Variants in UBASH3B observed in about 807,000 individuals in gnomAD.
UBASH3B encodes ubiquitin-associated and SH3 domain-containing protein B.
A neutral mutation model predicts 83.4 loss-of-function variants in UBASH3B; 37 were observed. The observed-to-expected ratio is 0.44, with a 90% confidence interval of 0.34 to 0.58. The LOEUF (loss-of-function observed/expected upper bound fraction) is 0.58. UBASH3B is among the 20% of genes least tolerant of loss of function. UBASH3B has a pLI of 0.01. For synonymous variants in UBASH3B, 304 were observed against 318.3 expected (o/e 0.96, Z 0.48); for missense variants, 657 against 827.2 (o/e 0.79, Z 2.52).
Position 122,706,147 on chromosome 11 carries a change from G to A in UBASH3B, c.161+49937G>A, listed in dbSNP as rs551595572. Reference sequence around the variant, plus strand: ...TTTTTTTTTTTTGAGATGGAGTTTCGCTCTTGTTGCCCAGACTAGAGTGCA... The same window carrying A: ...TTTTTTTTTTTTGAGATGGAGTTTCACTCTTGTTGCCCAGACTAGAGTGCA... On this transcript the variant is annotated intron_variant, in intron 1 of 13. Transcript: ENST00000284273. Among the ~76,000 whole-genome samples, 258 of 115,040 alleles carry A rather than the reference G, an allele frequency of 2.2e-3. 2 individuals carry two copies. Among genetic ancestry groups the A allele is most frequent in the African/African-American group, 8.1e-3 (235 of 28,894 alleles). The allele number at this position is 115,040 out of a possible 152,430, so 75.5% of individuals were successfully genotyped here.
At chr11:122,799,436 A>C (rs1311049047) in intron 10 of UBASH3B, among the ~76,000 whole-genome samples, 3 of 151,880 alleles carry the variant, frequency 2.0e-5, no homozygotes, top group Non-Finnish European at 4.4e-5. Context: ...GTGGTGAGCC[A>C]AGATTGCGCC....
chr11:122,802,970 A>G (rs995231810), intron 11 of UBASH3B, among the ~76,000 whole-genome samples: 3 of 152,070 alleles, frequency 2.0e-5, no homozygotes, highest in Admixed American at 6.6e-5. Flanking sequence ...GTGTTTTGCC[A>G]TTGCCTCCCA....
At chr11:122,690,724 G>A (rs994094255) in intron 1 of UBASH3B, among the ~76,000 whole-genome samples, 4 of 152,252 alleles carry the variant, frequency 2.6e-5, no homozygotes, top group East Asian at 1.9e-4. Context: ...CAAAACTCAC[G>A]CTTGTTGCCT....
chr11:122,705,454 T>TAAAAAAAAA (rs60998227), intron 1 of UBASH3B, among the ~76,000 whole-genome samples: 13 of 59,356 alleles, frequency 2.2e-4, no homozygotes, highest in East Asian at 3.6e-4. Context: ...TCGAAAAACA[T>TAAAAAAAAA]AAAAAAAAAA....
intron 1 of UBASH3B, among the ~76,000 whole-genome samples, chr11:122,734,848 C>G (rs1860907120): frequency 6.6e-6 from 1 of 151,656 alleles, no homozygotes. Flanking sequence ...AGAAATGATC[C>G]TGCATCTGTG....
chr11:122,803,380 T>A (rs920913268), intron 11 of UBASH3B, among the ~76,000 whole-genome samples: 2 of 151,776 alleles, frequency 1.3e-5, no homozygotes, highest in African/African-American at 4.8e-5. Flanking sequence ...AGAGCCGGGG[T>A]AGTGTGAATC....
chr11:122,705,325 A>G (rs1001209931), intron 1 of UBASH3B, among the ~76,000 whole-genome samples: 2 of 152,048 alleles, frequency 1.3e-5, no homozygotes, highest in African/African-American at 4.8e-5. Flanking sequence ...ATGTGCCTGT[A>G]ATCCCAGCTA....
intron 11 of UBASH3B, among the ~76,000 whole-genome samples, chr11:122,802,474 C>A (rs771152440): frequency 5.9e-5 from 9 of 152,084 alleles, no homozygotes; most frequent in Non-Finnish European, 1.2e-4. Context: ...GAGTTTGTAA[C>A]AAGTGGTCAA....
chr11:122,761,576 C>A (rs946233549), intron 1 of UBASH3B, among the ~76,000 whole-genome samples: 1 of 152,110 alleles, frequency 6.6e-6, no homozygotes, highest in African/African-American at 2.4e-5. Flanking sequence ...TCTGACCCAC[C>A]AAAGCCGTTA....
At chr11:122,667,192 C>T (rs566648970) in intron 1 of UBASH3B, among the ~76,000 whole-genome samples, 19 of 151,786 alleles carry the variant, frequency 1.3e-4, no homozygotes, top group Admixed American at 7.9e-4. Flanking sequence ...TACAGGCACG[C>T]ACCACCACCA....
chr11:122,723,225 C>T (rs763088317), intron 1 of UBASH3B, among the ~76,000 whole-genome samples: 15 of 152,212 alleles, frequency 9.9e-5, no homozygotes, highest in Non-Finnish European at 2.1e-4. Context: ...GGCTTGGAAA[C>T]CACTGTTCAG....
In UBASH3B at chr11:122,794,755, G is replaced by C. The variant is rs201331033; in HGVS notation, c.1034G>C (p.Gly345Ala). The C allele has an allele frequency of 6.2e-7, 1 of 1,613,980 alleles. No homozygotes were observed. Among genetic ancestry groups the C allele is most frequent in the Non-Finnish European group, 8.5e-7 (1 of 1,180,028 alleles). ...SSSNSLTFGD[G>A]VLERRPYEDQ... ...TCCAACTCTCTCACGTTTGGGGATG[G>C]AGTATTGGAGAGGCGGCCTTATGAG... is the stretch of plus-strand genomic sequence containing the variant. Residue 345 changes from glycine (G) to alanine (A), a missense_variant, in exon 7 of 14, where the codon GGA becomes GCA. Around this residue, in one of 3 missense-constraint regions of UBASH3B, gnomAD observed 573 missense variants for 739.0 expected, o/e 0.78. Transcript: ENST00000284273.
intron 1 of UBASH3B, among the ~76,000 whole-genome samples, chr11:122,659,279 A>C (rs1246359996): frequency 6.6e-6 from 1 of 152,304 alleles, no homozygotes; most frequent in East Asian, 1.9e-4. Flanking sequence ...TTAGCCTATC[A>C]CAGCTATTAT....
At chr11:122,708,491 AC>A (rs1368721120) in intron 1 of UBASH3B, among the ~76,000 whole-genome samples, 1 of 151,992 alleles carries the variant, frequency 6.6e-6, no homozygotes, top group Non-Finnish European at 1.5e-5. Context: ...ACAGGGTTTC[AC>A]CATGTTGGCC....
intron 1 of UBASH3B, among the ~76,000 whole-genome samples, chr11:122,717,927 A>G (rs1860553692): frequency 1.5e-5 from 2 of 135,634 alleles, no homozygotes; most frequent in African/African-American, 5.7e-5. Context: ...TTTTTTTCGG[A>G]CAAGTCTCAC....
At chr11:122,660,624 C>T (rs1863426637) in intron 1 of UBASH3B, among the ~76,000 whole-genome samples, 1 of 152,228 alleles carries the variant, frequency 6.6e-6, no homozygotes, top group Non-Finnish European at 1.5e-5. Context: ...CCCCTGCTGA[C>T]CTCTGGTTTC....
chr11:122,735,184 A>G (rs1345248781), intron 1 of UBASH3B, among the ~76,000 whole-genome samples: 2 of 152,226 alleles, frequency 1.3e-5, no homozygotes, highest in East Asian at 3.8e-4. Context: ...AATCACATGG[A>G]TAATACCCAA....
At chr11:122,734,774 A>T (rs1188655076) in intron 1 of UBASH3B, among the ~76,000 whole-genome samples, 2 of 151,570 alleles carry the variant, frequency 1.3e-5, no homozygotes, top group African/African-American at 4.8e-5. Flanking sequence ...TGATGAGTTT[A>T]ATCCTCACTT....
At chr11:122,807,917 G>A in intron 12 of UBASH3B, 150 bp from the exon 13 acceptor site, 1 of 691,964 alleles carries the variant, frequency 1.4e-6, no homozygotes, top group Non-Finnish European at 2.6e-6. Context: ...TGCCTTATCA[G>A]TAACAAAGCA....
Sources: gnomAD v4.1 joint callset for allele counts (sites outside exome capture counted in the v4.1 genomes callset) on GRCh38, gnomAD v4.1.1 for gene constraint, gnomAD v4.1.1 regional missense constraint, MANE v1.5 for transcripts, NCBI Gene and HGNC (gene_info 2026-07-23, HGNC 2026-07-21) for gene names.